HAPLN2: variants seen among roughly 807,000 people sequenced by gnomAD.
HAPLN2 encodes brain link protein-1.
HAPLN2 carries 27 observed loss-of-function variants against 29.3 expected under a neutral mutation model. The observed-to-expected ratio is 0.92, with a 90% CI of 0.68 to 1.27. The LOEUF (loss-of-function observed/expected upper bound fraction) is 1.27. Ranked by LOEUF, HAPLN2 falls within the 50% of genes most tolerant of loss-of-function variation. The probability of loss-of-function intolerance (pLI) is 0.00; values close to 1 mark genes in which losing one functional copy is unlikely to be tolerated. For synonymous variants in HAPLN2, 208 were observed against 211.7 expected (o/e 0.98, Z 0.15); for missense variants, 454 against 484.3 (o/e 0.94, Z 0.59).
chr1:156,621,346 C>T (rs902025652), intron 2 of HAPLN2, among the ~76,000 whole-genome samples: 1 of 149,696 alleles, frequency 6.7e-6, no homozygotes, highest in African/African-American at 2.4e-5. Context: ...CTCAAGTAAT[C>T]CACCCGCCTC....
Position 156,625,663 on chromosome 1 carries a change from G to A in HAPLN2, c.*279G>A. 2.4e-6 allele frequency: 1 copy of A among 414,414 alleles called. No homozygotes were observed. The highest frequency in any genetic ancestry group is 4.3e-6 in the Non-Finnish European group (1 of 234,208). The allele number at this position is 414,414 out of a possible 1,614,324, so 25.7% of individuals were successfully genotyped here. ...GGACTCAGCCACCGCCGGGGGGAGG[G>A]TGAGGCGGCCGGGGGCATTAACTGA... On this transcript the variant is annotated 3_prime_UTR_variant, in exon 7 of 7. Transcript: ENST00000255039. The surrounding 1 kb of genome is among the most constrained non-coding windows in gnomAD (Gnocchi z 5.7).
intron 2 of HAPLN2, among the ~76,000 whole-genome samples, chr1:156,623,014 A>G (rs1678286498): frequency 6.9e-6 from 1 of 144,178 alleles, no homozygotes; most frequent in African/African-American, 2.5e-5. Flanking sequence ...AGCCTGGACC[A>G]TGGAGCAACA....
In HAPLN2 at chr1:156,623,498, G is replaced by T; in HGVS notation, c.8G>T (p.Gly3Val). 1 of 1,614,008 alleles carries T rather than the reference G, an allele frequency of 6.2e-7. No homozygotes were observed. Among genetic ancestry groups the T allele is most frequent in the Non-Finnish European group, 8.5e-7 (1 of 1,180,002 alleles). The change falls in exon 3 of 7, where the codon GGC becomes GTC. Residue 3 changes from glycine to valine, a missense_variant. Around this residue, in one of 3 missense-constraint regions of HAPLN2, gnomAD observed 204 missense variants for 209.2 expected, o/e 0.98. Coordinates refer to ENST00000255039, the MANE Select transcript of HAPLN2 (RefSeq NM_021817.3). The stretch of plus-strand genomic sequence containing the variant: ...CCGGGCTGACCCCCCATCATGCCAG[G>T]CTGGCTCACCCTCCCCACACTCTGC... Reference protein sequence around the residue: MPGWLTLPTLCRF... With the variant: MPVWLTLPTLCRF...
chr1:156,620,712 A>C (rs1226423274), intron 2 of HAPLN2, among the ~76,000 whole-genome samples: 1 of 152,096 alleles, frequency 6.6e-6, no homozygotes, highest in Non-Finnish European at 1.5e-5. Flanking sequence ...ATTTCTGGCA[A>C]CTTCTCAGGG....
chr1:156,623,432 A>T, intron 2 of HAPLN2, 35 bp from the exon 3 acceptor site: 1 of 1,576,142 alleles, frequency 6.3e-7, no homozygotes. Flanking sequence ...CTTTTGCCCC[A>T]GTCCTAAGAA....
chr1:156,607,709 A>G, the HAPLN2 span, among the ~76,000 whole-genome samples: 1 of 152,186 alleles, frequency 6.6e-6, no homozygotes, highest in Middle Eastern at 3.2e-3. Flanking sequence ...AAATCTACAC[A>G]TAGTGTTATA....
upstream of HAPLN2, among the ~76,000 whole-genome samples, chr1:156,615,741 T>C (rs1325601322): frequency 2.0e-5 from 3 of 151,970 alleles, no homozygotes; most frequent in Non-Finnish European, 2.9e-5. Context: ...CGGCTAACTT[T>C]TTGTATTTTT....
At chr1:156,605,257 C>G in the HAPLN2 span, among the ~76,000 whole-genome samples, 1 of 150,926 alleles carries the variant, frequency 6.6e-6, no homozygotes, top group Non-Finnish European at 1.5e-5. Context: ...TAGGGTGAGA[C>G]TCCGTCTGAA....
chr1:156,616,684 AG>A (rs1056192775), upstream of HAPLN2, among the ~76,000 whole-genome samples: 1 of 152,166 alleles, frequency 6.6e-6, no homozygotes, highest in African/African-American at 2.4e-5. Context: ...CCAAGGAGAC[AG>A]GGGGCTATTT....
the HAPLN2 span, among the ~76,000 whole-genome samples, chr1:156,612,859 A>G: frequency 1.3e-5 from 2 of 152,230 alleles, no homozygotes; most frequent in African/African-American, 2.4e-5. Context: ...TTATTATTAA[A>G]GGGAAGCGGA....
chr1:156,604,249 A>G, the HAPLN2 span, among the ~76,000 whole-genome samples: 2 of 152,142 alleles, frequency 1.3e-5, no homozygotes, highest in Admixed American at 1.3e-4. Flanking sequence ...GTGTAAACAT[A>G]CAATGGACTA....
intron 4 of HAPLN2, 43 bp downstream of exon 4, chr1:156,624,203 G>T (rs758889838): frequency 6.4e-7 from 1 of 1,566,290 alleles, no homozygotes; most frequent in African/African-American, 1.4e-5. Context: ...GTAGCAGCGG[G>T]TCCGCCTCGC....
At chr1:156,614,067 G>A in the HAPLN2 span, among the ~76,000 whole-genome samples, 1 of 151,990 alleles carries the variant, frequency 6.6e-6, no homozygotes, top group Non-Finnish European at 1.5e-5. Context: ...TTAGAGATAG[G>A]CTACCTGGGT....
Position 156,624,019 on chromosome 1 carries a change from C to A in HAPLN2, c.298C>A (p.Arg100Ser). The change falls in exon 4 of 7, where the codon CGC becomes AGC. Residue 100 changes from arginine to serine, a missense_variant. Arg to Ser is a moderately radical substitution (Grantham distance 110). This residue lies in a region of HAPLN2 where 204 missense variants were observed against 209.2 expected (regional missense o/e 0.98). Coordinates refer to ENST00000255039, the MANE Select transcript of HAPLN2 (RefSeq NM_021817.3). ...CCGGGGGTATGGGCCCCTGGGAGGG[C>A]GCGCCAGGATGCGGAGGGGGCATCG... ...HARGYGPLGG[R>S]ARMRRGHRLD... 1.2e-6 allele frequency: 2 copies of A among 1,610,850 alleles called. No homozygotes were observed. The highest frequency in any genetic ancestry group is 1.7e-6 in the Non-Finnish European group (2 of 1,178,742).
At chr1:156,608,197 C>A in the HAPLN2 span, among the ~76,000 whole-genome samples, 1 of 152,234 alleles carries the variant, frequency 6.6e-6, no homozygotes, top group African/African-American at 2.4e-5. Flanking sequence ...TAGGGGCCGA[C>A]AGAGCACAGA....
upstream of HAPLN2, among the ~76,000 whole-genome samples, chr1:156,615,861 T>C (rs11264507): frequency 0.96 from 145,933 of 152,128 alleles, 70,304 homozygotes; most frequent in East Asian, 1. Flanking sequence ...TTAGCCACCG[T>C]GCCCAGCCAA....
the HAPLN2 span, among the ~76,000 whole-genome samples, chr1:156,612,290 C>T: frequency 1.3e-5 from 2 of 152,184 alleles, no homozygotes; most frequent in Non-Finnish European, 2.9e-5. Context: ...TTCCAAAGTA[C>T]TAGGATTACA....
At chr1:156,605,275 A>G in the HAPLN2 span, among the ~76,000 whole-genome samples, 1 of 151,558 alleles carries the variant, frequency 6.6e-6, no homozygotes, top group Non-Finnish European at 1.5e-5. Flanking sequence ...GAAAAAGAAA[A>G]AAAAAGAGAG....
chr1:156,624,302 C>T (rs755408840), intron 4 of HAPLN2, 49 bp from the exon 5 acceptor site: 9 of 1,542,322 alleles, frequency 5.8e-6, no homozygotes, highest in Non-Finnish European at 7.9e-6. Context: ...CCTTCCTCCC[C>T]CTCCGCTCCC....
Sources: gnomAD v4.1 joint callset for allele counts (sites outside exome capture counted in the v4.1 genomes callset) on GRCh38, gnomAD v4.1.1 for gene constraint, gnomAD v4.1.1 regional missense constraint, Gnocchi (gnomAD v3.1) non-coding constraint, MANE v1.5 for transcripts, NCBI Gene and HGNC (gene_info 2026-07-23, HGNC 2026-07-21) for gene names.